The following FOXP2 variants were observed in gnomAD, a reference collection of about 807,000 sequenced individuals.
FOXP2 encodes the protein forkhead box P2.
Under a neutral mutation model 115.8 loss-of-function variants are expected in FOXP2, and 12 were observed. That is an observed-to-expected ratio of 0.10 (90% CI 0.07 to 0.17). The LOEUF (loss-of-function observed/expected upper bound fraction) is 0.17. FOXP2 is among the 10% of genes least tolerant of loss of function. FOXP2 has a pLI of 1.00. For synonymous variants in FOXP2, 328 were observed against 297.7 expected (o/e 1.10, Z -1.05); for missense variants, 629 against 843.5 (o/e 0.75, Z 3.15).
At chr7:114,654,198 AT>A in intron 10 of FOXP2, 189 bp downstream of exon 10, 1 of 1,355,984 alleles carries the variant, frequency 7.4e-7, no homozygotes, top group Non-Finnish European at 9.8e-7. Context: ...TACAAAATCT[AT>A]CCAATCTACA....
intron 1 of FOXP2, among the ~76,000 whole-genome samples, chr7:114,283,123 C>A (rs1168371148): frequency 6.6e-6 from 1 of 152,140 alleles, no homozygotes; most frequent in East Asian, 1.9e-4. Flanking sequence ...TTTCTCTTCA[C>A]TGAAATGTTG....
chr7:114,249,016 T>C (rs1795361976), intron 1 of FOXP2, among the ~76,000 whole-genome samples: 1 of 152,154 alleles, frequency 6.6e-6, no homozygotes, highest in Non-Finnish European at 1.5e-5. Flanking sequence ...CTTTTTGGCA[T>C]AGCAGATATA....
intron 2 of FOXP2, among the ~76,000 whole-genome samples, chr7:114,352,010 A>T (rs1053738179): frequency 6.6e-6 from 1 of 152,162 alleles, no homozygotes; most frequent in African/African-American, 2.4e-5. Context: ...GCTCACATCT[A>T]TAATCCCAGC....
In FOXP2 at chr7:114,179,638, G is replaced by C. The variant is rs1542263; in HGVS notation, c.-102+16550G>C. On this transcript the variant is annotated intron_variant, in intron 1 of 17. Transcript: ENST00000634411. Reference sequence around the variant, plus strand: ...TTTTGCCTTTAAATGCAATCTTTTGGAAGACTATGTTGAAAGGAATACGAA... The same window carrying C: ...TTTTGCCTTTAAATGCAATCTTTTGCAAGACTATGTTGAAAGGAATACGAA... Among the ~76,000 whole-genome samples the C allele has an allele frequency of 1.3e-3, 195 of 152,054 alleles. 1 individual carries two copies. Among genetic ancestry groups the C allele is most frequent in the African/African-American group, 4.3e-3 (178 of 41,538 alleles).
chr7:114,167,489 T>G (rs1793013343), intron 1 of FOXP2, among the ~76,000 whole-genome samples: 1 of 152,168 alleles, frequency 6.6e-6, no homozygotes, highest in Non-Finnish European at 1.5e-5. Flanking sequence ...ATGGTTTGGC[T>G]CTGTGTCACC....
intron 1 of FOXP2, among the ~76,000 whole-genome samples, chr7:114,166,670 A>C (rs1476393404): frequency 6.6e-6 from 1 of 152,182 alleles, no homozygotes; most frequent in Non-Finnish European, 1.5e-5. Flanking sequence ...GCGCCACTGC[A>C]CTCCCGCCTG....
intron 2 of FOXP2, among the ~76,000 whole-genome samples, chr7:114,382,532 G>T (rs1792333138): frequency 6.6e-6 from 1 of 152,130 alleles, no homozygotes; most frequent in South Asian, 2.1e-4. Flanking sequence ...GATTTGCCCA[G>T]CTTTTCCCTG....
chr7:114,428,097 T>C (rs902922924), intron 2 of FOXP2, among the ~76,000 whole-genome samples: 1 of 151,588 alleles, frequency 6.6e-6, no homozygotes. Flanking sequence ...TGCTACAATA[T>C]TCCTCCTAAT....
intron 2 of FOXP2, among the ~76,000 whole-genome samples, chr7:114,348,961 C>T (rs571654855): frequency 1.3e-5 from 2 of 151,950 alleles, no homozygotes; most frequent in Non-Finnish European, 2.9e-5. Context: ...ATTCCAGAAT[C>T]TTGTGGTAAT....
At chr7:114,495,209 A>T (rs1019972285) in intron 2 of FOXP2, among the ~76,000 whole-genome samples, 1 of 152,204 alleles carries the variant, frequency 6.6e-6, no homozygotes. Flanking sequence ...TCAGGTCAGC[A>T]TGTGGGTCCA....
At chr7:114,108,718 C>T (rs188215475) in intron 1 of FOXP2, among the ~76,000 whole-genome samples, 73 of 152,040 alleles carry the variant, frequency 4.8e-4, no homozygotes, top group Non-Finnish European at 8.3e-4. Context: ...TTGCATCATA[C>T]ATTTATCTAT....
intron 1 of FOXP2, among the ~76,000 whole-genome samples, chr7:114,184,081 G>A (rs974893437): frequency 6.6e-6 from 1 of 152,046 alleles, no homozygotes; most frequent in African/African-American, 2.4e-5. Context: ...ATGCAAAAAG[G>A]GGACAGAGGC....
chr7:114,131,505 T>G (rs548254247), intron 1 of FOXP2, among the ~76,000 whole-genome samples: 16 of 152,140 alleles, frequency 1.1e-4, no homozygotes, highest in African/African-American at 3.6e-4. Context: ...CCTCATTCAC[T>G]TCACTAGAAT....
intron 2 of FOXP2, among the ~76,000 whole-genome samples, chr7:114,305,006 T>C (rs1318526470): frequency 6.6e-6 from 1 of 152,190 alleles, no homozygotes; most frequent in Non-Finnish European, 1.5e-5. Flanking sequence ...CTATGCTGTA[T>C]TATTCTAGAT....
chr7:114,367,530 C>T (rs566441309), intron 2 of FOXP2, among the ~76,000 whole-genome samples: 2 of 152,190 alleles, frequency 1.3e-5, no homozygotes, highest in South Asian at 4.2e-4. Context: ...TAAATATCAT[C>T]ATCTGACTAA....
intron 2 of FOXP2, among the ~76,000 whole-genome samples, chr7:114,491,344 G>A (rs997778260): frequency 3.9e-5 from 6 of 152,086 alleles, no homozygotes; most frequent in Non-Finnish European, 5.9e-5. Flanking sequence ...CCCACTTTTC[G>A]ATGGGGTTGT....
Position 114,664,291 on chromosome 7 carries a change from A to C in FOXP2, c.1858A>C (p.Ser620Arg). ...ASLQAALAES[S>R]LPLLSNPGLI... ...TCACTAGGCTGCCTTGGCAGAGAGC[A>C]GTTTACCTTTGCTAAGTAATCCTGG... The change falls in exon 16 of 17, where the codon AGT (serine) becomes CGT (arginine). Residue 620 changes from serine to arginine, a missense_variant. By Grantham distance (110) the Ser-to-Arg change is moderately radical. Around this residue, in one of 9 missense-constraint regions of FOXP2, gnomAD observed 40 missense variants for 75.3 expected, o/e 0.53. Coordinates refer to ENST00000350908, the MANE Select transcript of FOXP2 (RefSeq NM_014491.4). The C allele has an allele frequency of 6.2e-7, 1 of 1,613,364 alleles. No homozygotes were observed. Among genetic ancestry groups the C allele is most frequent in the Non-Finnish European group, 8.5e-7 (1 of 1,179,652 alleles).
At chr7:114,199,855 G>A (rs1345742442) in intron 1 of FOXP2, among the ~76,000 whole-genome samples, 1 of 152,144 alleles carries the variant, frequency 6.6e-6, no homozygotes, top group African/African-American at 2.4e-5. Flanking sequence ...TGGTGAAACA[G>A]ACTGATATAC....
chr7:114,178,068 T>C (rs1435640241), intron 1 of FOXP2, among the ~76,000 whole-genome samples: 1 of 151,970 alleles, frequency 6.6e-6, no homozygotes, highest in Non-Finnish European at 1.5e-5. Flanking sequence ...ATATGAAGTG[T>C]AAAGTGTAAT....
Sources: allele counts gnomAD v4.1 joint callset (sites outside exome capture counted in the v4.1 genomes callset), GRCh38; gene constraint gnomAD v4.1.1; regional missense constraint gnomAD v4.1.1; transcripts MANE v1.5; gene names NCBI Gene and HGNC (gene_info 2026-07-23, HGNC 2026-07-21).